The following EXOC6B variants were observed in gnomAD, a reference collection of about 807,000 sequenced individuals.
The protein encoded by EXOC6B is exocyst complex component 6B.
A neutral mutation model predicts 113.5 loss-of-function variants in EXOC6B; 54 were observed. The ratio of observed to expected loss-of-function variants is 0.48; its 90% CI spans 0.38 to 0.60. The LOEUF is 0.60. Ranked by LOEUF, EXOC6B falls within the 20% of genes least tolerant of loss-of-function variation. The probability of loss-of-function intolerance (pLI) is 0.00; values close to 1 mark genes in which losing one functional copy is unlikely to be tolerated. For missense variants in EXOC6B, 797 were observed against 977.5 expected, an observed-to-expected ratio of 0.82 and a Z score of 2.46; for synonymous variants, 357 against 339.0, an observed-to-expected ratio of 1.05 and a Z score of -0.58.
intron 1 of EXOC6B, among the ~76,000 whole-genome samples, chr2:72,787,655 CTTTG>C (rs1427409742): frequency 2.6e-5 from 4 of 151,956 alleles, no homozygotes; most frequent in African/African-American, 9.7e-5. Context: ...GGTCTAATTT[CTTTG>C]TTTGTTTGTT....
At chr2:72,497,133 C>T (rs937177532) in intron 13 of EXOC6B, among the ~76,000 whole-genome samples, 6 of 151,714 alleles carry the variant, frequency 4.0e-5, no homozygotes, top group East Asian at 3.9e-4. Flanking sequence ...ACCACCACAT[C>T]GGGCTAATTT....
chr2:72,549,151 A>T lies in EXOC6B; in HGVS notation c.915+10302T>A, dbSNP rs142338679. On this transcript the variant is annotated intron_variant, in intron 8 of 21. Coordinates refer to ENST00000272427, the MANE Select transcript of EXOC6B (RefSeq NM_015189.3). ...TTAGTATCATTAAAGTAAAGTAAGAAAATATGGATGATAAGACATGGAAGA... is the reference window on the plus strand; with the variant it reads ...TTAGTATCATTAAAGTAAAGTAAGATAATATGGATGATAAGACATGGAAGA... 2.5e-4 allele frequency among the ~76,000 whole-genome samples: 38 copies of T among 152,300 alleles called. No individual in the cohort carries two copies. In the East Asian group the frequency reaches 4.0e-3, roughly 16 times the overall value.
intron 13 of EXOC6B, 140 bp downstream of exon 13, chr2:72,498,314 G>A: frequency 1.8e-6 from 1 of 557,422 alleles, no homozygotes; most frequent in Non-Finnish European, 3.0e-6. Context: ...TTGAATTCTG[G>A]ATCATAACCT....
chr2:72,706,438 A>C (rs1198494274), intron 6 of EXOC6B, among the ~76,000 whole-genome samples: 1 of 152,160 alleles, frequency 6.6e-6, no homozygotes, highest in African/African-American at 2.4e-5. Flanking sequence ...GGGTGCAACC[A>C]TAGCTTACTG....
At chr2:72,680,523 G>A (rs565494398) in intron 6 of EXOC6B, among the ~76,000 whole-genome samples, 19 of 152,210 alleles carry the variant, frequency 1.2e-4, no homozygotes, top group African/African-American at 4.6e-4. Flanking sequence ...TAGATCACCT[G>A]AGGTTAGGAG....
intron 6 of EXOC6B, among the ~76,000 whole-genome samples, chr2:72,612,654 A>C (rs1671145684): frequency 6.6e-6 from 1 of 152,208 alleles, no homozygotes; most frequent in African/African-American, 2.4e-5. Flanking sequence ...GGGAGGATAA[A>C]GCATCAGGTT....
chr2:72,666,461 C>A (rs1259220551), intron 6 of EXOC6B, among the ~76,000 whole-genome samples: 2 of 152,076 alleles, frequency 1.3e-5, no homozygotes, highest in South Asian at 2.1e-4. Flanking sequence ...GATCACAGAA[C>A]TATAAGAAGA....
Position 72,465,214 on chromosome 2 carries a change from C to A in EXOC6B, c.1926G>T (p.Leu642=). 6.2e-7 allele frequency: 1 copy of A among 1,611,954 alleles called. No individual in the cohort carries two copies. Among genetic ancestry groups the A allele is most frequent in the Non-Finnish European group, 8.5e-7 (1 of 1,179,082 alleles). Residue 642 remains leucine, a synonymous_variant, in exon 18 of 22, where the codon CTG becomes CTT. Coordinates refer to ENST00000272427, the MANE Select transcript of EXOC6B (RefSeq NM_015189.3). ...TACGAAGAAAGGCAATGAGGTCTAC[C>A]AGGTAATCACTAGCTTTGTTGCCCA... ...GDLGNKASDY[L]VDLIAFLRST... is the part of the protein sequence containing the mutation.
intron 20 of EXOC6B, among the ~76,000 whole-genome samples, chr2:72,274,926 A>G (rs1435092351): frequency 3.3e-5 from 5 of 152,172 alleles, no homozygotes; most frequent in African/African-American, 4.8e-5. Context: ...ATGATATTAC[A>G]TAATTAGAGG....
At chr2:72,597,432 T>C (rs1670141510) in intron 6 of EXOC6B, among the ~76,000 whole-genome samples, 1 of 151,956 alleles carries the variant, frequency 6.6e-6, no homozygotes. Context: ...TAAAAATTTT[T>C]AAAGAAAGTA....
At chr2:72,789,493 T>C (rs972108127) in intron 1 of EXOC6B, among the ~76,000 whole-genome samples, 2 of 152,210 alleles carry the variant, frequency 1.3e-5, no homozygotes, top group Admixed American at 1.3e-4. Context: ...GAATTAATAA[T>C]AGTCTCCCAC....
At chr2:72,516,907 GC>G (rs1162133079) in intron 8 of EXOC6B, among the ~76,000 whole-genome samples, 2 of 152,114 alleles carry the variant, frequency 1.3e-5, no homozygotes, top group Non-Finnish European at 2.9e-5. Context: ...TAAAAGCCCT[GC>G]CCACCTAAAA....
At chr2:72,580,138 T>TC (rs1161079803) in intron 6 of EXOC6B, among the ~76,000 whole-genome samples, 6 of 140,086 alleles carry the variant, frequency 4.3e-5, no homozygotes. Flanking sequence ...AATAAGAATT[T>TC]TTTTTTTTTT....
At chr2:72,604,315 G>A (rs1157480242) in intron 6 of EXOC6B, among the ~76,000 whole-genome samples, 5 of 152,126 alleles carry the variant, frequency 3.3e-5, no homozygotes, top group African/African-American at 9.7e-5. Context: ...TCTGGTTTCA[G>A]ATTCGTCAAA....
chr2:72,362,173 G>A (rs1450160823), intron 19 of EXOC6B, among the ~76,000 whole-genome samples: 1 of 152,150 alleles, frequency 6.6e-6, no homozygotes, highest in East Asian at 1.9e-4. Context: ...AATCTGATAA[G>A]ATGCATTCTA....
intron 1 of EXOC6B, among the ~76,000 whole-genome samples, chr2:72,818,093 T>G (rs1462534882): frequency 2.6e-5 from 4 of 152,158 alleles, no homozygotes; most frequent in African/African-American, 9.6e-5. Flanking sequence ...TGCCTTAGCC[T>G]CCTGAGTAGC....
At chr2:72,406,561 G>A (rs1001245137) in intron 18 of EXOC6B, among the ~76,000 whole-genome samples, 7 of 152,218 alleles carry the variant, frequency 4.6e-5, no homozygotes, top group East Asian at 1.9e-4. Context: ...ACTTAAAACC[G>A]CTCAACGACA....
intron 6 of EXOC6B, among the ~76,000 whole-genome samples, chr2:72,593,231 T>C (rs1160554469): frequency 6.6e-6 from 1 of 152,142 alleles, no homozygotes; most frequent in Non-Finnish European, 1.5e-5. Context: ...TAATAAACTA[T>C]GTTTATTAGT....
chr2:72,255,078 C>T (rs1274364734), intron 20 of EXOC6B, among the ~76,000 whole-genome samples: 2 of 152,134 alleles, frequency 1.3e-5, no homozygotes, highest in African/African-American at 4.8e-5. Context: ...GGCTGGACAA[C>T]CTTTTGCTGA....
Sources: gnomAD v4.1 joint callset for allele counts (sites outside exome capture counted in the v4.1 genomes callset) on GRCh38, gnomAD v4.1.1 for gene constraint, MANE v1.5 for transcripts, NCBI Gene and HGNC (gene_info 2026-07-23, HGNC 2026-07-21) for gene names.